Variants in SYNE1 observed in about 807,000 individuals in gnomAD.
SYNE1 encodes spectrin repeat containing nuclear envelope protein 1, also known as nesprin-1.
A neutral mutation model predicts 1,111.0 loss-of-function variants in SYNE1; 616 were observed. The observed-to-expected ratio is 0.55, with a 90% CI of 0.52 to 0.59. The LOEUF is 0.59. SYNE1 is among the 20% of genes least tolerant of loss of function. The pLI is 0.00. For synonymous variants in SYNE1, 3,855 were observed against 3,825.8 expected (o/e 1.01, Z -0.28); for missense variants, 10,006 against 10,417.0 (o/e 0.96, Z 1.72).
chr6:152,381,365 G>A lies in SYNE1; in HGVS notation c.8653-3C>T. 1 of 1,612,732 alleles carries A rather than the reference G, an allele frequency of 6.2e-7. No homozygotes were observed. The highest frequency in any genetic ancestry group is 2.2e-5 in the East Asian group (1 of 44,878). On this transcript the variant is annotated splice_polypyrimidine_tract_variant and splice_region_variant and intron_variant, in intron 55 of 145. Coordinates refer to ENST00000367255, the MANE Select transcript of SYNE1 (RefSeq NM_182961.4). ...ATCTCTCTGGAATCTATCAGCTCCT[G>A]TAATGGAATATCACCATGGTAACTG...
At chr6:152,367,824 A>T in intron 61 of SYNE1, 1 of 214,414 alleles carries the variant, frequency 4.7e-6, no homozygotes, top group Non-Finnish European at 9.5e-6. Context: ...ATGGGACCAT[A>T]CACATGGTTT....
At chr6:152,356,677 C>A (rs2096844952) in intron 66 of SYNE1, among the ~76,000 whole-genome samples, 1 of 152,030 alleles carries the variant, frequency 6.6e-6, no homozygotes, top group South Asian at 2.1e-4. Context: ...ACATCAGGAT[C>A]CTGAAGAAAT....
chr6:152,409,796 C>T (rs985896088), intron 42 of SYNE1, 87 bp from the exon 43 acceptor site: 21 of 1,404,320 alleles, frequency 1.5e-5, no homozygotes, highest in East Asian at 1.4e-4. Flanking sequence ...TGTTTCACTA[C>T]GTAAAGGTAT....
At chr6:152,139,841 C>T in intron 140 of SYNE1, 109 bp downstream of exon 140, 3 of 1,152,596 alleles carry the variant, frequency 2.6e-6, no homozygotes, top group South Asian at 1.3e-5. Context: ...TTGTTAGATC[C>T]CTTTTCTGCT....
At chr6:152,451,854 G>T (rs1283135575) in intron 25 of SYNE1, among the ~76,000 whole-genome samples, 1 of 151,944 alleles carries the variant, frequency 6.6e-6, no homozygotes, top group East Asian at 1.9e-4. Flanking sequence ...CAAAAGCTAG[G>T]ATTTTACCAT....
At chr6:152,537,406 TATA>T (rs1178876314) in intron 4 of SYNE1, among the ~76,000 whole-genome samples, 1 of 152,024 alleles carries the variant, frequency 6.6e-6, no homozygotes, top group East Asian at 1.9e-4. Flanking sequence ...TTTTCTTACT[TATA>T]ATAAGATTTT....
chr6:152,288,522 G>A (rs571934990), intron 95 of SYNE1, among the ~76,000 whole-genome samples: 5 of 152,278 alleles, frequency 3.3e-5, no homozygotes, highest in African/African-American at 1.2e-4. Context: ...AAGGAATTAG[G>A]AAAATCTGGA....
intron 143 of SYNE1, among the ~76,000 whole-genome samples, chr6:152,132,642 A>G (rs1254691101): frequency 6.6e-6 from 1 of 152,074 alleles, no homozygotes; most frequent in African/African-American, 2.4e-5. Flanking sequence ...GCATTAGAGG[A>G]CTTTACTATT....
At chr6:152,606,638 A>G (rs6909400) in intron 3 of SYNE1, among the ~76,000 whole-genome samples, 15,152 of 151,868 alleles carry the variant, frequency 0.1, 865 homozygotes, top group African/African-American at 0.16. Context: ...GGTTTTTCTG[A>G]GTTTTTTTGT....
In SYNE1 at chr6:152,230,384, A is replaced by T. The variant is rs76337912; in HGVS notation, c.21195+163T>A. 0.015 allele frequency among the ~76,000 whole-genome samples: 2,333 copies of T among 151,464 alleles called. 33 individuals carry two copies. Among genetic ancestry groups the T allele is most frequent in the Middle Eastern group, 0.054 (16 of 294 alleles). ...GAGTGAAAAAAACCTAATGTATTTT[A>T]AAAAAAACCCTATAAACTCACAAAA... On this transcript the variant is annotated intron_variant, in intron 115 of 145. Coordinates refer to ENST00000367255, the MANE Select transcript of SYNE1 (RefSeq NM_182961.4).
chr6:152,512,787 G>A (rs763516068), intron 6 of SYNE1, among the ~76,000 whole-genome samples: 2 of 152,102 alleles, frequency 1.3e-5, no homozygotes, highest in Non-Finnish European at 2.9e-5. Flanking sequence ...TGGTTTGTCT[G>A]TTTATTTAAC....
rs753473819 is a variant in SYNE1, at chr6:152,330,652, G to A, written c.14033C>T (p.Ser4678Phe). Reference sequence around the variant, plus strand: ...AGACTGGGTTGTCAACTCAATCAAGGAAGCATATTCCTTCCGAGCAAGAAT... The same window carrying A: ...AGACTGGGTTGTCAACTCAATCAAGAAAGCATATTCCTTCCGAGCAAGAAT... Reference protein sequence around the residue: ...EAILARKEYASLIELTTQSLS... With the variant: ...EAILARKEYAFLIELTTQSLS... Residue 4678 changes from serine to phenylalanine, a missense_variant, in exon 78 of 146, where the codon TCC (serine) becomes TTC (phenylalanine). Ser to Phe is a radical substitution (Grantham distance 155, BLOSUM62 -2). Transcript: ENST00000367255. 9.3e-6 allele frequency: 15 copies of A among 1,613,582 alleles called. No homozygotes were observed. The East Asian group carries it at 2.9e-4, about 31-fold the overall frequency.
chr6:152,556,219 G>A (rs2099364562), intron 3 of SYNE1, among the ~76,000 whole-genome samples: 1 of 152,142 alleles, frequency 6.6e-6, no homozygotes, highest in Non-Finnish European at 1.5e-5. Context: ...TGCCTGAGTA[G>A]AGCACAGAAA....
intron 87 of SYNE1, among the ~76,000 whole-genome samples, chr6:152,312,313 G>A (rs1414520886): frequency 6.7e-6 from 1 of 148,746 alleles, no homozygotes; most frequent in Admixed American, 6.7e-5. Context: ...GGGTTCAAGC[G>A]ATTCTCCTGC....
At chr6:152,324,978 T>C in intron 81 of SYNE1, 106 bp downstream of exon 81, 1 of 1,321,300 alleles carries the variant, frequency 7.6e-7, no homozygotes, top group Admixed American at 1.7e-5. Context: ...AAAAAGCCTT[T>C]ATTACTTTCA....
At position 152,254,125 on chromosome 6, in the gene SYNE1, T is replaced by TGGAAAGTAAC. The variant is rs1044488159; in HGVS notation, c.19470+745_19470+754dup. Among the ~76,000 whole-genome samples the TGGAAAGTAAC allele has an allele frequency of 1.1e-4, 17 of 151,730 alleles. 1 individual carries two copies. Among genetic ancestry groups the TGGAAAGTAAC allele is most frequent in the Middle Eastern group, 6.8e-3 (2 of 294 alleles). On this transcript the variant is annotated intron_variant, in intron 104 of 145. Coordinates refer to ENST00000367255, the MANE Select transcript of SYNE1 (RefSeq NM_182961.4). ...GGCAGTAAGTCTGAGGAGTTAGGAC[T>TGGAAAGTAAC]GGAAAGTAACGTAACACATTTTAAC...
At chr6:152,343,255 T>G (rs1242087522) in intron 74 of SYNE1, among the ~76,000 whole-genome samples, 3 of 150,734 alleles carry the variant, frequency 2.0e-5, no homozygotes, top group Non-Finnish European at 4.4e-5. Context: ...ACCTCCCAGG[T>G]TCAAGCAATT....
Position 152,451,137 on chromosome 6 carries a change from T to A in SYNE1, c.3096A>T (p.Leu1032Phe). The A allele has an allele frequency of 2.5e-6, 4 of 1,614,126 alleles. No homozygotes were observed. The highest frequency in any genetic ancestry group is 3.4e-6 in the Non-Finnish European group (4 of 1,180,006). ...CAGTTCTGCATTCTTCTACAGAGGC[T>A]AAGAACCTATTCTTCTCCACATCAA... ...LKIDVEKNRF[L>F]ASVEECRTEL... The change falls in exon 26 of 146, where the codon TTA becomes TTT. Residue 1032 changes from leucine (L) to phenylalanine (F), a missense_variant. Physicochemically the swap from Leu to Phe is conservative, Grantham distance 22. This residue lies in a region of SYNE1 where 1,971 missense variants were observed against 2,084.1 expected (regional missense o/e 0.95). Coordinates refer to ENST00000367255, the MANE Select transcript of SYNE1 (RefSeq NM_182961.4).
chr6:152,555,843 G>A (rs146683151), intron 3 of SYNE1, among the ~76,000 whole-genome samples: 32 of 152,244 alleles, frequency 2.1e-4, no homozygotes, highest in African/African-American at 7.5e-4. Context: ...TACATCCAGA[G>A]TAAGCTTGTT....
Sources: allele counts gnomAD v4.1 joint callset (sites outside exome capture counted in the v4.1 genomes callset), GRCh38; gene constraint gnomAD v4.1.1; regional missense constraint gnomAD v4.1.1; transcripts MANE v1.5; gene names NCBI Gene and HGNC (gene_info 2026-07-23, HGNC 2026-07-21).